The following UNC5B variants were observed in gnomAD, a reference collection of about 807,000 sequenced individuals.
UNC5B encodes the protein netrin receptor UNC5B.
In UNC5B, 56 loss-of-function variants were observed where a neutral mutation model predicts 103.7. The ratio of observed to expected loss-of-function variants is 0.54; its 90% CI spans 0.44 to 0.67. The LOEUF (loss-of-function observed/expected upper bound fraction) is 0.67. Among genes scored for constraint, UNC5B ranks in the 30% least tolerant of loss-of-function variants. The pLI is 0.00. For synonymous variants in UNC5B, 577 were observed against 542.0 expected (o/e 1.06, Z -0.90); for missense variants, 1,194 against 1,284.5 (o/e 0.93, Z 1.08).
chr10:71,293,123 T>C (rs1361078087), intron 11 of UNC5B, among the ~76,000 whole-genome samples: 1 of 152,190 alleles, frequency 6.6e-6, no homozygotes, highest in Non-Finnish European at 1.5e-5. Context: ...TAGCGTGACC[T>C]ATTGAAAACC....
intron 2 of UNC5B, among the ~76,000 whole-genome samples, chr10:71,280,410 A>G (rs527676600): frequency 1.9e-4 from 29 of 152,262 alleles, no homozygotes; most frequent in African/African-American, 6.7e-4. Flanking sequence ...ATTCAATGCA[A>G]TCGTTATTTT....
chr10:71,257,591 C>T (rs751419425), intron 1 of UNC5B, among the ~76,000 whole-genome samples: 8 of 152,194 alleles, frequency 5.3e-5, no homozygotes, highest in African/African-American at 9.7e-5. Context: ...CTTCGAGGAG[C>T]GCCTCGGTGG....
chr10:71,275,481 C>T (rs1267894530), intron 1 of UNC5B, among the ~76,000 whole-genome samples: 10 of 152,176 alleles, frequency 6.6e-5, no homozygotes, highest in Non-Finnish European at 1.0e-4. Context: ...TGTTGCCCCT[C>T]GTTTTCATTT....
Position 71,284,651 on chromosome 10 carries a change from CG to C in UNC5B, c.305-64del, listed in dbSNP as rs1231249201. 7 of 1,599,874 alleles carry C rather than the reference CG, an allele frequency of 4.4e-6. No homozygotes were observed. The African/African-American group carries it at 5.3e-5, about 12-fold the overall frequency. On this transcript the variant is annotated intron_variant, in intron 2 of 16. Coordinates refer to ENST00000335350, the MANE Select transcript of UNC5B (RefSeq NM_170744.5). ...GCCAGCAGGATCCGAGGTGGAAGGCCGGGGGTGTCCTGTGCCTCACATCCTT... is the reference window on the plus strand; with the variant it reads ...GCCAGCAGGATCCGAGGTGGAAGGCCGGGGTGTCCTGTGCCTCACATCCTT...
intron 9 of UNC5B, 75 bp downstream of exon 9, chr10:71,291,184 A>G: frequency 6.6e-7 from 1 of 1,517,254 alleles, no homozygotes; most frequent in Non-Finnish European, 8.9e-7. Context: ...CCCAGACCAG[A>G]GCCAGGCTCC....
rs1201551464 is a variant in UNC5B at position 71,300,739 on chromosome 10, C to T, written c.*1462C>T. ...TTCCCGGTGTCAGTCAGCTCTGCAA[C>T]GTGGGAGCCTTGGAGGCGGGTGGCC... On this transcript the variant is annotated 3_prime_UTR_variant, in exon 17 of 17. Transcript: ENST00000335350. 2.0e-5 allele frequency: 3 copies of T among 152,340 alleles called. No homozygotes were observed. Among genetic ancestry groups the T allele is most frequent in the Admixed American group, 1.3e-4 (2 of 15,288 alleles). The allele number at this position is 152,340 out of a possible 1,614,324, so 9.4% of individuals were successfully genotyped here.
At chr10:71,281,006 T>C (rs1844911908) in intron 2 of UNC5B, among the ~76,000 whole-genome samples, 1 of 152,080 alleles carries the variant, frequency 6.6e-6, no homozygotes, top group South Asian at 2.1e-4. Context: ...TGCTCATTTC[T>C]CTCTCTCTCT....
chr10:71,262,523 C>G (rs545849284), intron 1 of UNC5B, among the ~76,000 whole-genome samples: 1 of 152,202 alleles, frequency 6.6e-6, no homozygotes, highest in African/African-American at 2.4e-5. Context: ...GGAGCCCGCC[C>G]GGGAGACTCA....
intron 1 of UNC5B, among the ~76,000 whole-genome samples, chr10:71,244,106 A>G (rs1280049970): frequency 1.3e-5 from 2 of 152,238 alleles, no homozygotes; most frequent in Non-Finnish European, 2.9e-5. Flanking sequence ...GTACTGGGCC[A>G]GGCATCTTTA....
chr10:71,281,324 A>T (rs1844920784), intron 2 of UNC5B, among the ~76,000 whole-genome samples: 1 of 150,692 alleles, frequency 6.6e-6, no homozygotes, highest in South Asian at 2.1e-4. Flanking sequence ...CACCCAAAAT[A>T]TAAAAATGGA....
rs548022173 is a variant in UNC5B, at chr10:71,288,577, C to T, written c.911C>T (p.Ala304Val). 69 of 1,613,534 alleles carry T rather than the reference C, an allele frequency of 4.3e-5. No individual in the cohort carries two copies. In the South Asian group the frequency reaches 4.8e-4, roughly 11 times the overall value. Residue 304 changes from alanine to valine, a missense_variant, in exon 7 of 17, where the codon GCG becomes GTG. By Grantham distance (64) the Ala-to-Val change is moderately conservative. Transcript: ENST00000335350. ...TGCCATGCTCTTACAGTCGATGGGG[C>T]GTGGACGGAGTGGAGCAAGTGGTCA... is the stretch of plus-strand genomic sequence containing the variant. ...ACTTICPVDG[A>V]WTEWSKWSAC...
chr10:71,290,730 A>G (rs181221127), intron 8 of UNC5B, among the ~76,000 whole-genome samples, 185 bp from the exon 9 acceptor site: 21 of 152,304 alleles, frequency 1.4e-4, no homozygotes, highest in African/African-American at 4.8e-4. Flanking sequence ...CTTCGAGCCC[A>G]TTTTACCGAT....
At chr10:71,280,135 G>A (rs1402620096) in intron 2 of UNC5B, 90 bp downstream of exon 2, 2 of 1,398,618 alleles carry the variant, frequency 1.4e-6, no homozygotes, top group Non-Finnish European at 2.0e-6. Flanking sequence ...CACAGCCATG[G>A]TGCCCCCTTG....
Position 71,287,756 on chromosome 10 carries a change from A to G in UNC5B, c.892A>G (p.Ile298Val), listed in dbSNP as rs151291345. 1.4e-5 allele frequency: 23 copies of G among 1,612,288 alleles called. No individual in the cohort carries two copies. Among genetic ancestry groups the G allele is most frequent in the Non-Finnish European group, 1.8e-5 (21 of 1,179,128 alleles). ...QAFQKTACTT[I>V]CPVDGAWTEW... is the part of the protein sequence containing the mutation. ...ATTCCAGAAGACCGCCTGCACCACC[A>G]TCTGCCCAGGTAAGGAGCCTTGTCC... Residue 298 changes from isoleucine (I) to valine (V), a missense_variant, in exon 6 of 17, where the codon ATC becomes GTC. Transcript: ENST00000335350.
At chr10:71,260,982 G>C (rs1249550224) in intron 1 of UNC5B, among the ~76,000 whole-genome samples, 1 of 152,258 alleles carries the variant, frequency 6.6e-6, no homozygotes, top group South Asian at 2.1e-4. Flanking sequence ...CCACCTTCTG[G>C]TGAGGGCAGC....
intron 1 of UNC5B, among the ~76,000 whole-genome samples, chr10:71,255,303 C>T (rs144502785): frequency 4.6e-5 from 7 of 152,322 alleles, no homozygotes; most frequent in African/African-American, 1.4e-4. Context: ...GGTAAAAAGA[C>T]ACGCCCTCAT....
At position 71,236,228 on chromosome 10, in the gene UNC5B, C is replaced by T. The variant is rs114688799; in HGVS notation, c.79+23164C>T. On this transcript the variant is annotated intron_variant, in intron 1 of 16. Coordinates refer to ENST00000335350, the MANE Select transcript of UNC5B (RefSeq NM_170744.5). ...TATGAGTATGTCCAGCCCTTGACAGCTCAGACTAGGGACCTCAGGACTGGG... is the reference window on the plus strand; with the variant it reads ...TATGAGTATGTCCAGCCCTTGACAGTTCAGACTAGGGACCTCAGGACTGGG... Among the ~76,000 whole-genome samples the T allele has an allele frequency of 5.1e-3, 772 of 152,364 alleles. 4 individuals are homozygous for T. Among genetic ancestry groups the T allele is most frequent in the African/African-American group, 0.018 (736 of 41,584 alleles).
intron 1 of UNC5B, among the ~76,000 whole-genome samples, chr10:71,279,422 G>C (rs1256486530): frequency 6.6e-6 from 1 of 152,176 alleles, no homozygotes; most frequent in East Asian, 1.9e-4. Context: ...ATTGCATCTC[G>C]TGGCGTCACC....
rs752817164 is a variant in UNC5B at position 71,286,669 on chromosome 10, C to G, written c.553-20C>G. 2.5e-6 allele frequency: 4 copies of G among 1,613,516 alleles called. No individual in the cohort carries two copies. The highest frequency in any genetic ancestry group is 3.4e-6 in the Non-Finnish European group (4 of 1,179,666). On this transcript the variant is annotated intron_variant, in intron 4 of 16. Transcript: ENST00000335350. ...AACCTGTCCTGGGCCCTCACTGCCC[C>G]CTCACCCCCACTCTTGCAGGTGGAA...
Sources: allele counts gnomAD v4.1 joint callset (sites outside exome capture counted in the v4.1 genomes callset), GRCh38; gene constraint gnomAD v4.1.1; transcripts MANE v1.5; gene names NCBI Gene and HGNC (gene_info 2026-07-23, HGNC 2026-07-21).